The following FAM135A variants were observed in gnomAD, a reference collection of about 807,000 sequenced individuals.
FAM135A encodes family with sequence similarity 135 member A, also known as protein FAM135A.
FAM135A carries 79 observed loss-of-function variants against 146.8 expected under a neutral mutation model. The observed-to-expected ratio is 0.54, with a 90% CI of 0.45 to 0.65. The LOEUF (loss-of-function observed/expected upper bound fraction) is 0.65, where lower values mean the gene tolerates loss of function less well. Ranked by LOEUF, FAM135A falls within the 30% of genes least tolerant of loss-of-function variation. The pLI is 0.00. For synonymous variants in FAM135A, 562 were observed against 603.6 expected (o/e 0.93, Z 1.01); for missense variants, 1,623 against 1,758.2 (o/e 0.92, Z 1.38).
At position 70,516,361 on chromosome 6, in the gene FAM135A, T is replaced by G. The variant is rs115789748; in HGVS notation, c.1030-6152T>G. Among the ~76,000 whole-genome samples the G allele has an allele frequency of 3.4e-3, 519 of 152,184 alleles. 2 individuals carry two copies. The highest frequency in any genetic ancestry group is 0.011 in the African/African-American group (470 of 41,522). The stretch of plus-strand genomic sequence containing the variant: ...TCCTTGGAGTCTAGTTGCATCTGCC[T>G]GTAGAAGGAGCATGTTTTTGAAATT... On this transcript the variant is annotated intron_variant, in intron 12 of 21. Coordinates refer to ENST00000418814, the MANE Select transcript of FAM135A (RefSeq NM_001162529.3).
chr6:70,497,731 C>G (rs1399851117), intron 11 of FAM135A, among the ~76,000 whole-genome samples: 1 of 152,092 alleles, frequency 6.6e-6, no homozygotes, highest in African/African-American at 2.4e-5. Context: ...TGTCAAAGGC[C>G]TTTTCTGCAT....
intron 5 of FAM135A, among the ~76,000 whole-genome samples, chr6:70,456,313 C>G (rs1191977736): frequency 6.6e-6 from 1 of 152,146 alleles, no homozygotes. Flanking sequence ...TTCATTATTC[C>G]TTTTCTGAAA....
intron 21 of FAM135A, among the ~76,000 whole-genome samples, chr6:70,559,178 C>T (rs540320923): frequency 5.3e-5 from 8 of 152,146 alleles, no homozygotes; most frequent in South Asian, 2.1e-4. Flanking sequence ...CAGGGGCTCA[C>T]GCCTGTAATC....
At chr6:70,534,851 G>A (rs1361920229) in intron 18 of FAM135A, among the ~76,000 whole-genome samples, 7 of 152,100 alleles carry the variant, frequency 4.6e-5, no homozygotes, top group African/African-American at 1.7e-4. Flanking sequence ...TCGAAGTATA[G>A]GGAATAAGAA....
intron 4 of FAM135A, among the ~76,000 whole-genome samples, chr6:70,444,292 A>C (rs1330200778): frequency 6.6e-6 from 1 of 152,076 alleles, no homozygotes; most frequent in Non-Finnish European, 1.5e-5. Flanking sequence ...AATCCCAGCT[A>C]CTCCAGGGGC....
At chr6:70,433,381 T>TA (rs1436438043) in intron 4 of FAM135A, among the ~76,000 whole-genome samples, 1 of 152,118 alleles carries the variant, frequency 6.6e-6, no homozygotes, top group Non-Finnish European at 1.5e-5. Flanking sequence ...GCCTTCAAGA[T>TA]ACTTTTTAAC....
chr6:70,491,874 A>T (rs971158189), intron 11 of FAM135A, among the ~76,000 whole-genome samples: 2 of 151,922 alleles, frequency 1.3e-5, no homozygotes, highest in South Asian at 4.1e-4. Flanking sequence ...ATATGAAATC[A>T]TCTGCAGTGT....
At chr6:70,447,759 T>C (rs141617465) in intron 4 of FAM135A, among the ~76,000 whole-genome samples, 65 of 152,288 alleles carry the variant, frequency 4.3e-4, no homozygotes, top group Admixed American at 1.2e-3. Context: ...GACTCAGCAG[T>C]TTTCTTTTTT....
chr6:70,476,298 A>G (rs970457650), intron 7 of FAM135A, among the ~76,000 whole-genome samples: 18 of 152,144 alleles, frequency 1.2e-4, no homozygotes, highest in Non-Finnish European at 2.6e-4. Flanking sequence ...TTCACTTAAC[A>G]ATTGTATTTA....
chr6:70,486,356 TC>T, intron 10 of FAM135A: 1 of 866,928 alleles, frequency 1.2e-6, no homozygotes, highest in Non-Finnish European at 1.8e-6. Context: ...GTGGTATGTT[TC>T]CACCATTCTG....
In FAM135A at chr6:70,497,874, G is replaced by A. The variant is rs576019281; in HGVS notation, c.874-4762G>A. Among the ~76,000 whole-genome samples, 36 of 152,286 alleles carry A rather than the reference G, an allele frequency of 2.4e-4. 1 individual carries two copies. In the South Asian group the frequency reaches 7.5e-3, roughly 32 times the overall value. ...TTTGATGTGCTGCTGGATTAGGTTT[G>A]CCAGTATTTTATTGAGGATTTTCTC... On this transcript the variant is annotated intron_variant, in intron 11 of 21. Transcript: ENST00000418814.
chr6:70,537,150 G>A (rs1284731395), intron 19 of FAM135A, among the ~76,000 whole-genome samples: 2 of 152,044 alleles, frequency 1.3e-5, no homozygotes, highest in Non-Finnish European at 2.9e-5. Flanking sequence ...TGGCCAGAAT[G>A]GTCTTGATCT....
At chr6:70,558,934 A>G (rs888797474) in intron 21 of FAM135A, among the ~76,000 whole-genome samples, 1 of 152,230 alleles carries the variant, frequency 6.6e-6, no homozygotes, top group Non-Finnish European at 1.5e-5. Context: ...TCATCTGACT[A>G]TAGGAGGTTG....
chr6:70,448,390 CT>C (rs1202955001), intron 4 of FAM135A, among the ~76,000 whole-genome samples: 3 of 152,192 alleles, frequency 2.0e-5, no homozygotes, highest in Non-Finnish European at 4.4e-5. Flanking sequence ...AGAGCCCACA[CT>C]TGTGCCACTG....
chr6:70,486,111 AGTTTT>A (rs943667846), intron 10 of FAM135A: 1 of 1,490,294 alleles, frequency 6.7e-7, no homozygotes, highest in African/African-American at 1.4e-5. Flanking sequence ...AATTCTAGTA[AGTTTT>A]GTTGTGAAAG....
intron 10 of FAM135A, among the ~76,000 whole-genome samples, chr6:70,487,577 G>C (rs1378779631): frequency 6.6e-6 from 1 of 152,068 alleles, no homozygotes; most frequent in African/African-American, 2.4e-5. Flanking sequence ...TTTTCACTAA[G>C]ACTGTTAAGG....
intron 20 of FAM135A, among the ~76,000 whole-genome samples, chr6:70,539,384 G>A (rs1316562876): frequency 6.6e-6 from 1 of 152,132 alleles, no homozygotes; most frequent in Non-Finnish European, 1.5e-5. Flanking sequence ...TACCATTGTA[G>A]TATGAAAACA....
chr6:70,524,852 A>T lies in FAM135A; in HGVS notation c.1768A>T (p.Ile590Phe). The T allele has an allele frequency of 6.3e-7, 1 of 1,599,884 alleles. No individual in the cohort carries two copies. Among genetic ancestry groups the T allele is most frequent in the Non-Finnish European group, 8.5e-7 (1 of 1,172,752 alleles). The part of the protein sequence containing the change: ...TERTEQKSPD[I>F]ENVQPDQFDP... ...GAGAACTGAACAAAAGTCTCCAGAT[A>T]TTGAAAATGTTCAACCAGACCAGTT... The change falls in exon 15 of 22, where the codon ATT (isoleucine) becomes TTT (phenylalanine). Residue 590 changes from isoleucine to phenylalanine, a missense_variant. This residue lies in a region of FAM135A where 1,061 missense variants were observed against 1,113.8 expected (regional missense o/e 0.95). Coordinates refer to ENST00000418814, the MANE Select transcript of FAM135A (RefSeq NM_001162529.3).
intron 11 of FAM135A, among the ~76,000 whole-genome samples, chr6:70,493,211 GAAT>G (rs1229825231): frequency 6.6e-6 from 1 of 151,744 alleles, no homozygotes; most frequent in Non-Finnish European, 1.5e-5. Flanking sequence ...AGAAAAATAT[GAAT>G]AATATGATTT....
Sources: allele counts gnomAD v4.1 joint callset (sites outside exome capture counted in the v4.1 genomes callset), GRCh38; gene constraint gnomAD v4.1.1; regional missense constraint gnomAD v4.1.1; transcripts MANE v1.5; gene names NCBI Gene and HGNC (gene_info 2026-07-23, HGNC 2026-07-21).